ZNF454: variants seen among roughly 807,000 people sequenced by gnomAD.
ZNF454 encodes the protein zinc finger protein 454.
ZNF454 carries 30 observed loss-of-function variants against 48.2 expected under a neutral mutation model. That is an observed-to-expected ratio of 0.62 (90% CI 0.47 to 0.84). The LOEUF is 0.84. ZNF454 is among the 40% of genes least tolerant of loss of function. The probability of loss-of-function intolerance (pLI) is 0.00; values close to 1 mark genes in which losing one functional copy is unlikely to be tolerated. For missense variants in ZNF454, 510 were observed against 623.1 expected (o/e 0.82, Z 1.93); for synonymous variants, 204 against 211.4 (o/e 0.97, Z 0.30).
chr5:178,984,115 C>T, the ZNF454 span, among the ~76,000 whole-genome samples: 1 of 151,996 alleles, frequency 6.6e-6, no homozygotes, highest in Admixed American at 6.5e-5. Context: ...ATCACGAGGT[C>T]AGGAGATCGA....
chr5:178,976,458 G>T, the ZNF454 span, among the ~76,000 whole-genome samples: 5 of 152,128 alleles, frequency 3.3e-5, no homozygotes, highest in East Asian at 1.9e-4. Flanking sequence ...TAAGCAGTCT[G>T]TGGGGGGCAG....
At chr5:178,970,301 C>G (rs1009599910), downstream of ZNF454, among the ~76,000 whole-genome samples, 4 of 152,202 alleles carry the variant, frequency 2.6e-5, no homozygotes, top group East Asian at 1.9e-4. Flanking sequence ...CTCTCACCCC[C>G]ATCTGTGTCG....
rs928712891 is a variant in ZNF454 at position 178,946,204 on chromosome 5, C to T, written c.34-155C>T. Among the ~76,000 whole-genome samples the T allele has an allele frequency of 6.6e-6, 1 of 152,218 alleles. No individual in the cohort carries two copies. Among genetic ancestry groups the T allele is most frequent in the South Asian group, 2.1e-4 (1 of 4,822 alleles). ...AGTCCAAGGCTAGGCCCCTAGGAGA[C>T]CCTGAAGAGTGATGAACTTGTCACA... On this transcript the variant is annotated intron_variant, in intron 2 of 4. Coordinates refer to ENST00000519564, the MANE Select transcript of ZNF454 (RefSeq NM_001178089.3). This position sits in a 1 kb window ranked among gnomAD's most constrained non-coding sequence, Gnocchi z 4.5.
At chr5:178,986,184 G>A in the ZNF454 span, 43 of 1,614,138 alleles carry the variant, frequency 2.7e-5, no homozygotes, top group African/African-American at 3.9e-4. Flanking sequence ...GGCTGATGAA[G>A]GGAGGGGGTG....
the ZNF454 span, among the ~76,000 whole-genome samples, chr5:178,984,974 C>G: frequency 6.6e-6 from 1 of 152,110 alleles, no homozygotes; most frequent in South Asian, 2.1e-4. Context: ...TCCAGGGCGC[C>G]CCAGACTCCA....
At chr5:178,985,485 C>G in the ZNF454 span, 7 of 341,418 alleles carry the variant, frequency 2.1e-5, no homozygotes, top group East Asian at 8.3e-5. Context: ...GGGCGGATCA[C>G]GAGGTCAGGA....
chr5:178,942,267 G>A (rs1172989379), intron 1 of ZNF454, among the ~76,000 whole-genome samples: 3 of 152,160 alleles, frequency 2.0e-5, no homozygotes, highest in Admixed American at 6.5e-5. Flanking sequence ...TTAGCCGGGC[G>A]TGGTGGCGGG....
chr5:178,950,472 C>T (rs549585446), intron 4 of ZNF454, among the ~76,000 whole-genome samples: 2 of 152,278 alleles, frequency 1.3e-5, no homozygotes, highest in Non-Finnish European at 2.9e-5. Context: ...AGCATGAAGC[C>T]GGCAGGAGAC....
In ZNF454 at chr5:178,952,309, T is replaced by C. The variant is rs140077914; in HGVS notation, c.250+5323T>C. The stretch of plus-strand genomic sequence containing the variant: ...GCCTCGGCCTCCCAAAGTGCTGGGA[T>C]TACAGGCGTGAGCCACCGCGCCGAG... On this transcript the variant is annotated intron_variant, in intron 4 of 4. Coordinates refer to ENST00000519564, the MANE Select transcript of ZNF454 (RefSeq NM_001178089.3). 6.6e-4 allele frequency among the ~76,000 whole-genome samples: 100 copies of C among 152,362 alleles called. 1 individual carries two copies. In the East Asian group the frequency reaches 0.018, roughly 27 times the overall value.
At chr5:178,970,436 C>G (rs1476906731), downstream of ZNF454, among the ~76,000 whole-genome samples, 1 of 152,212 alleles carries the variant, frequency 6.6e-6, no homozygotes, top group Non-Finnish European at 1.5e-5. Context: ...TTTCTGATCA[C>G]TCAAGGACCT....
chr5:178,968,671 G>T, downstream of ZNF454: 1 of 421,204 alleles, frequency 2.4e-6, no homozygotes, highest in Admixed American at 2.6e-5. Flanking sequence ...CACTGCTACA[G>T]ATGTCTGTCT....
chr5:178,965,420 A>G lies in ZNF454; in HGVS notation c.1016A>G (p.Gln339Arg). The G allele has an allele frequency of 6.2e-7, 1 of 1,614,178 alleles. No individual in the cohort carries two copies. Among genetic ancestry groups the G allele is most frequent in the Non-Finnish European group, 8.5e-7 (1 of 1,180,024 alleles). Residue 339 changes from glutamine (Q) to arginine (R), a missense_variant, in exon 5 of 5, where the codon CAG becomes CGG. Physicochemically the swap from Gln to Arg is conservative, Grantham distance 43 (BLOSUM62 1). Transcript: ENST00000519564. The surrounding 1 kb of genome is among the most constrained non-coding windows in gnomAD (Gnocchi z 5.2). ...AATGAATGTGGAAAAGCCTTTAATC[A>G]GAGTACAAGTTTCCTTCAGCATCAG... The part of the protein sequence containing the change: ...KCNECGKAFN[Q>R]STSFLQHQRI...
At chr5:178,968,677 T>C, downstream of ZNF454, 1 of 426,178 alleles carries the variant, frequency 2.3e-6, no homozygotes, top group Non-Finnish European at 4.8e-6. Context: ...TACAGATGTC[T>C]GTCTTCACCC....
At position 178,941,320 on chromosome 5, in the gene ZNF454, C is replaced by T. The variant is rs1759077373; in HGVS notation, c.-232C>T. 4.4e-6 allele frequency: 2 copies of T among 450,378 alleles called. No homozygotes were observed. The highest frequency in any genetic ancestry group is 2.4e-5 in the Admixed American group (1 of 42,358). 27.9% of individuals were successfully genotyped at this position (450,378 alleles called of 1,614,324 possible). ...GGCTGACCAGGCACGGTGGTCAAAG[C>T]CGCAGAGGGAGAGCGGGAGCGGTCG... On this transcript the variant is annotated 5_prime_UTR_variant, in exon 1 of 5. Transcript: ENST00000519564. This position sits in a 1 kb window ranked among gnomAD's most constrained non-coding sequence, Gnocchi z 5.5.
downstream of ZNF454, chr5:178,969,790 G>A (rs1760213459): frequency 5.3e-6 from 2 of 380,780 alleles, no homozygotes; most frequent in African/African-American, 2.1e-5. Context: ...GTTTGAGAAG[G>A]GAATTGGCAT....
intron 4 of ZNF454, among the ~76,000 whole-genome samples, chr5:178,954,940 G>T (rs1234083298): frequency 6.6e-6 from 1 of 152,216 alleles, no homozygotes; most frequent in Admixed American, 6.5e-5. Context: ...ACCACGGTTT[G>T]CTCATCCATT....
the ZNF454 span, chr5:178,981,903 G>T: frequency 8.8e-7 from 1 of 1,135,108 alleles, no homozygotes; most frequent in South Asian, 1.2e-5. This position sits in a 1 kb window ranked among gnomAD's most constrained non-coding sequence, Gnocchi z 5.1. Context: ...TGCTCTCCCT[G>T]CCCCGCTCCA....
chr5:178,977,383 A>G, the ZNF454 span: 1 of 455,554 alleles, frequency 2.2e-6, no homozygotes, highest in Admixed American at 2.4e-5. Flanking sequence ...GCTGTTTAAG[A>G]ACAAGCAGGC....
At chr5:178,949,139 C>T (rs1250916310) in intron 4 of ZNF454, among the ~76,000 whole-genome samples, 1 of 152,050 alleles carries the variant, frequency 6.6e-6, no homozygotes, top group Admixed American at 6.6e-5. Context: ...AACCTCCGTT[C>T]TCCCGAGTTC....
Sources: allele counts gnomAD v4.1 joint callset (sites outside exome capture counted in the v4.1 genomes callset), GRCh38; gene constraint gnomAD v4.1.1; non-coding constraint Gnocchi (gnomAD v3.1); transcripts MANE v1.5; gene names NCBI Gene and HGNC (gene_info 2026-07-23, HGNC 2026-07-21).